Variants in TMOD3 observed in about 807,000 individuals in gnomAD.
The protein encoded by TMOD3 is tropomodulin 3, also known as tropomodulin-3.
TMOD3 carries 20 observed loss-of-function variants against 39.2 expected under a neutral mutation model. The observed-to-expected ratio is 0.51, with a 90% confidence interval of 0.36 to 0.74. The LOEUF is 0.74. Ranked by LOEUF, TMOD3 falls within the 30% of genes least tolerant of loss-of-function variation. TMOD3 has a pLI of 0.00. For missense variants in TMOD3, 381 were observed against 412.8 expected (o/e 0.92, Z 0.67); for synonymous variants, 143 against 145.8 (o/e 0.98, Z 0.14).
intron 7 of TMOD3, among the ~76,000 whole-genome samples, chr15:51,897,406 C>G (rs1040427732): frequency 6.6e-5 from 10 of 151,298 alleles, no homozygotes; most frequent in Admixed American, 4.6e-4. Context: ...CATCCTGTGC[C>G]TGCTTTTCTC....
intron 4 of TMOD3, among the ~76,000 whole-genome samples, chr15:51,888,341 G>A (rs1305718751): frequency 2.6e-5 from 4 of 152,118 alleles, no homozygotes; most frequent in Admixed American, 1.3e-4. Flanking sequence ...AGCACTGATG[G>A]TTCTTTGGAA....
chr15:51,862,922 A>C lies in TMOD3; in HGVS notation c.38A>C (p.Lys13Thr), dbSNP rs370082613. Residue 13 changes from lysine (K) to threonine (T), a missense_variant, in exon 2 of 10, where the codon AAA (lysine) becomes ACA (threonine). Physicochemically the swap from Lys to Thr is moderately conservative, Grantham distance 78. Coordinates refer to ENST00000308580, the MANE Select transcript of TMOD3 (RefSeq NM_014547.5). ...TTCCGTAAGGACTTAGAAAAGTACA[A>C]AGACCTTGATGAAGATGAGCTCCTT... is the stretch of plus-strand genomic sequence containing the variant. ...LPFRKDLEKY[K>T]DLDEDELLGN... 6.2e-7 allele frequency: 1 copy of C among 1,614,112 alleles called. No individual in the cohort carries two copies.
At position 51,853,610 on chromosome 15, in the gene TMOD3, G is replaced by A. The variant is rs8041620; in HGVS notation, c.-74-9201G>A. 2.4e-3 allele frequency among the ~76,000 whole-genome samples: 362 copies of A among 152,146 alleles called. 1 individual carries two copies. The highest frequency in any genetic ancestry group is 8.3e-3 in the African/African-American group (344 of 41,514). On this transcript the variant is annotated intron_variant, in intron 1 of 9. Coordinates refer to ENST00000308580, the MANE Select transcript of TMOD3 (RefSeq NM_014547.5). ...ACCCTTAAGTTTTGAAGTTACCGAT[G>A]TACATACAACCTGTGGTTATAATGG...
intron 3 of TMOD3, among the ~76,000 whole-genome samples, chr15:51,878,433 A>G (rs1351708371): frequency 6.9e-6 from 1 of 144,720 alleles, no homozygotes; most frequent in Non-Finnish European, 1.5e-5. Flanking sequence ...TATTTTGTCC[A>G]TTTTAATTGT....
intron 1 of TMOD3, among the ~76,000 whole-genome samples, chr15:51,835,357 C>T (rs541581284): frequency 6.6e-6 from 1 of 152,252 alleles, no homozygotes; most frequent in South Asian, 2.1e-4. Context: ...GTTTGGAGTG[C>T]AGTAGTGTGA....
intron 3 of TMOD3, among the ~76,000 whole-genome samples, chr15:51,882,804 T>C (rs2056541610): frequency 6.6e-6 from 1 of 151,818 alleles, no homozygotes; most frequent in African/African-American, 2.4e-5. Flanking sequence ...TAGGATCAGC[T>C]TGTCACTTTC....
At chr15:51,845,986 A>G (rs970830260) in intron 1 of TMOD3, among the ~76,000 whole-genome samples, 3 of 151,990 alleles carry the variant, frequency 2.0e-5, no homozygotes, top group Non-Finnish European at 4.4e-5. Flanking sequence ...TTAAAAATCT[A>G]TTTTTAAGAC....
intron 1 of TMOD3, among the ~76,000 whole-genome samples, chr15:51,852,320 G>A (rs2056366498): frequency 6.6e-6 from 1 of 152,000 alleles, no homozygotes; most frequent in Non-Finnish European, 1.5e-5. Flanking sequence ...GGAAAAGACA[G>A]CATAACAGTC....
chr15:51,889,120 T>C lies in TMOD3; in HGVS notation c.471T>C (p.Asn157=). The C allele has an allele frequency of 6.2e-7, 1 of 1,602,788 alleles. No individual in the cohort carries two copies. Among genetic ancestry groups the C allele is most frequent in the Non-Finnish European group, 8.5e-7 (1 of 1,174,982 alleles). The change falls in exon 5 of 10, where the codon AAT becomes AAC. Residue 157 remains asparagine (N), a synonymous_variant. Coordinates refer to ENST00000308580, the MANE Select transcript of TMOD3 (RefSeq NM_014547.5). ...TKFCNIMGSS[N]GVDQEHFSNV... ...TCTGTAATATAATGGGAAGTAGTAA[T>C]GGTGTTGACCAAGAACATTTTTCAA...
intron 7 of TMOD3, chr15:51,899,217 C>A (rs756862471): frequency 5.9e-5 from 9 of 152,162 alleles, no homozygotes; most frequent in African/African-American, 2.2e-4. Flanking sequence ...AAAGATGTTA[C>A]AGCGACATTG....
intron 3 of TMOD3, among the ~76,000 whole-genome samples, chr15:51,876,956 C>T (rs763214699): frequency 5.3e-5 from 8 of 151,894 alleles, no homozygotes; most frequent in South Asian, 2.1e-4. Flanking sequence ...CCAGTTACTC[C>T]GGAGGCTGAG....
chr15:51,867,954 C>G (rs538228441), intron 2 of TMOD3, among the ~76,000 whole-genome samples: 49 of 152,306 alleles, frequency 3.2e-4, no homozygotes, highest in Admixed American at 2.0e-4. Context: ...CTCAAAAAGG[C>G]TGTACCCGTG....
intron 3 of TMOD3, among the ~76,000 whole-genome samples, chr15:51,874,267 C>T (rs966844271): frequency 9.2e-5 from 14 of 152,146 alleles, no homozygotes; most frequent in Non-Finnish European, 1.3e-4. Context: ...TTAATAATTT[C>T]ACCTCATGAT....
chr15:51,834,301 T>C (rs1011423503), intron 1 of TMOD3, among the ~76,000 whole-genome samples: 1 of 152,198 alleles, frequency 6.6e-6, no homozygotes, highest in African/African-American at 2.4e-5. Context: ...GTCTGTTTTA[T>C]CAATTTTTTG....
At chr15:51,906,672 A>G (rs2056682834) in intron 9 of TMOD3, among the ~76,000 whole-genome samples, 1 of 152,198 alleles carries the variant, frequency 6.6e-6, no homozygotes, top group Admixed American at 6.5e-5. Flanking sequence ...GTGGTATGCC[A>G]GTAACATCCA....
At position 51,915,113 on chromosome 15, in the gene TMOD3, T is replaced by C. The variant is rs1410889158; in HGVS notation, c.*6303T>C. The C allele has an allele frequency of 6.6e-6, 1 of 152,186 alleles. No individual in the cohort carries two copies. The highest frequency in any genetic ancestry group is 1.9e-4 in the East Asian group (1 of 5,190). The allele number at this position is 152,186 out of a possible 1,614,324, so 9.4% of individuals were successfully genotyped here. ...TCCCTTTTCTACACTCAGTATGTTT[T>C]AATTGATGCAAAGCAATTAATTGGC... On this transcript the variant is annotated 3_prime_UTR_variant, in exon 10 of 10. Transcript: ENST00000308580.
chr15:51,851,127 G>A (rs773392991), intron 1 of TMOD3, among the ~76,000 whole-genome samples: 13 of 152,148 alleles, frequency 8.5e-5, no homozygotes, highest in Non-Finnish European at 1.9e-4. Flanking sequence ...TTATTGGTAA[G>A]GATAAGGACT....
chr15:51,893,236 A>T (rs2056602875), intron 5 of TMOD3, among the ~76,000 whole-genome samples: 2 of 132,356 alleles, frequency 1.5e-5, no homozygotes, highest in South Asian at 5.0e-4. Flanking sequence ...AGGAGGTCGC[A>T]GTGAGCCAAG....
chr15:51,851,618 A>T (rs1233132013), intron 1 of TMOD3, among the ~76,000 whole-genome samples: 2 of 152,200 alleles, frequency 1.3e-5, no homozygotes, highest in African/African-American at 2.4e-5. Flanking sequence ...ATCAACCAAG[A>T]AACTCTTTTT....
Sources: allele counts gnomAD v4.1 joint callset (sites outside exome capture counted in the v4.1 genomes callset), GRCh38; gene constraint gnomAD v4.1.1; transcripts MANE v1.5; gene names NCBI Gene and HGNC (gene_info 2026-07-23, HGNC 2026-07-21).